Variants in ECHS1 observed in about 807,000 individuals in gnomAD.
ECHS1 encodes the protein enoyl-CoA hydratase, short chain 1.
ECHS1 carries 19 observed loss-of-function variants against 33.5 expected under a neutral mutation model. The observed-to-expected ratio is 0.57, with a 90% CI of 0.40 to 0.83. ECHS1 has a LOEUF of 0.83. Among genes scored for constraint, ECHS1 ranks in the 40% least tolerant of loss-of-function variants. ECHS1 has a pLI of 0.00. For missense variants in ECHS1, 365 were observed against 381.3 expected (o/e 0.96, Z 0.36); for synonymous variants, 158 against 146.6 (o/e 1.08, Z -0.56).
chr10:133,364,918 C>T (rs751021340), intron 6 of ECHS1, among the ~76,000 whole-genome samples, 193 bp from the exon 7 acceptor site: 4 of 152,316 alleles, frequency 2.6e-5, no homozygotes, highest in Non-Finnish European at 5.9e-5. Context: ...ACCAACAGCT[C>T]TGCTATGGCC....
At chr10:133,364,811 C>T in intron 6 of ECHS1, 86 bp from the exon 7 acceptor site, 1 of 1,075,964 alleles carries the variant, frequency 9.3e-7, no homozygotes, top group Non-Finnish European at 1.4e-6. Flanking sequence ...TCCTCACTGA[C>T]CCATGCACAA....
In ECHS1 at chr10:133,364,744, G is replaced by C. The variant is rs1242355414; in HGVS notation, c.740-19C>G. On this transcript the variant is annotated intron_variant, in intron 6 of 7. Transcript: ENST00000368547. ...TCAAAAGCTGAAAAACAAAGTCCCA[G>C]AGTTATGAACGGAGATATTACATGC... 3 of 1,605,804 alleles carry C rather than the reference G, an allele frequency of 1.9e-6. No individual in the cohort carries two copies. In the South Asian group the frequency reaches 3.3e-5, roughly 18 times the overall value.
At chr10:133,371,943 C>T (rs906951787) in intron 1 of ECHS1, among the ~76,000 whole-genome samples, 4 of 152,108 alleles carry the variant, frequency 2.6e-5, no homozygotes, top group African/African-American at 9.7e-5. Flanking sequence ...ACTACGGTCA[C>T]ACACCACCAC....
intron 2 of ECHS1, 77 bp from the exon 3 acceptor site, chr10:133,370,108 G>C: frequency 6.4e-7 from 1 of 1,574,642 alleles, no homozygotes; most frequent in African/African-American, 1.3e-5. Context: ...AGACCAACAA[G>C]GAACTTCAGA....
At chr10:133,372,557 T>G (rs1370232251) in intron 1 of ECHS1, among the ~76,000 whole-genome samples, 1 of 152,048 alleles carries the variant, frequency 6.6e-6, no homozygotes, top group African/African-American at 2.4e-5. Context: ...ACACCCCGGA[T>G]TTTTACAACC....
At chr10:133,368,425 G>A (rs539212500) in intron 4 of ECHS1, among the ~76,000 whole-genome samples, 3 of 152,250 alleles carry the variant, frequency 2.0e-5, no homozygotes, top group East Asian at 3.9e-4. Flanking sequence ...CTGGCTGCTC[G>A]GCCTGGGCCC....
chr10:133,371,070 G>A (rs1255264306), intron 1 of ECHS1, among the ~76,000 whole-genome samples: 1 of 152,240 alleles, frequency 6.6e-6, no homozygotes, highest in African/African-American at 2.4e-5. Flanking sequence ...AAGGTCAGGA[G>A]ATCGAGACCA....
intron 5 of ECHS1, among the ~76,000 whole-genome samples, chr10:133,366,640 T>G (rs1182297258): frequency 6.6e-6 from 1 of 151,058 alleles, no homozygotes; most frequent in Non-Finnish European, 1.5e-5. Flanking sequence ...GATGCCGCCC[T>G]GGGTTTCTGT....
At chr10:133,367,413 G>A (rs1003399787) in intron 4 of ECHS1, among the ~76,000 whole-genome samples, 5 of 151,414 alleles carry the variant, frequency 3.3e-5, no homozygotes, top group African/African-American at 9.8e-5. Flanking sequence ...AATAACTGGC[G>A]GGTATAGGGT....
chr10:133,373,312 G>C lies in ECHS1; in HGVS notation c.22C>G (p.Leu8Val). MAALRVL[L>V]SCVRGPLRPP... ...CTCAGCGGGCCGCGGACGCAGGACA[G>C]CAGGACACGCAGGGCGGCCATGGCT... The change falls in exon 1 of 8, where the codon CTG becomes GTG. Residue 8 changes from leucine (L) to valine (V), a missense_variant. Coordinates refer to ENST00000368547, the MANE Select transcript of ECHS1 (RefSeq NM_004092.4). 1 of 1,502,848 alleles carries C rather than the reference G, an allele frequency of 6.7e-7. No homozygotes were observed. Among genetic ancestry groups the C allele is most frequent in the Non-Finnish European group, 8.8e-7 (1 of 1,131,642 alleles). 93.1% of individuals were successfully genotyped at this position (1,502,848 alleles called of 1,614,324 possible).
chr10:133,370,820 GA>G, intron 1 of ECHS1, 63 bp from the exon 2 acceptor site: 1 of 1,520,332 alleles, frequency 6.6e-7, no homozygotes, highest in Non-Finnish European at 8.9e-7. Flanking sequence ...GAGAGTGGGG[GA>G]AGGGATGTGG....
chr10:133,368,424 C>T (rs190058113), intron 4 of ECHS1, among the ~76,000 whole-genome samples: 3 of 152,252 alleles, frequency 2.0e-5, no homozygotes, highest in East Asian at 3.9e-4. Context: ...CCTGGCTGCT[C>T]GGCCTGGGCC....
At chr10:133,366,167 G>T in intron 5 of ECHS1, 72 bp from the exon 6 acceptor site, 1 of 1,553,226 alleles carries the variant, frequency 6.4e-7, no homozygotes, top group South Asian at 1.2e-5. Context: ...GTGAGTGGCC[G>T]CTGGGGAGCA....
Position 133,362,812 on chromosome 10 carries a change from T to A in ECHS1, c.*56A>T. 1.3e-6 allele frequency: 2 copies of A among 1,569,960 alleles called. No individual in the cohort carries two copies. Among genetic ancestry groups the A allele is most frequent in the South Asian group, 2.2e-5 (2 of 90,184 alleles). On this transcript the variant is annotated 3_prime_UTR_variant, in exon 8 of 8. Coordinates refer to ENST00000368547, the MANE Select transcript of ECHS1 (RefSeq NM_004092.4). ...AGGATGATTTACTTGCTTCTAAAACTGACAGGCTGCACTTGTCCTCTCCAA... is the reference window on the plus strand; with the variant it reads ...AGGATGATTTACTTGCTTCTAAAACAGACAGGCTGCACTTGTCCTCTCCAA...
At chr10:133,368,898 T>C in intron 4 of ECHS1, 25 bp downstream of exon 4, 1 of 1,604,514 alleles carries the variant, frequency 6.2e-7, no homozygotes, top group South Asian at 1.1e-5. Context: ...AAGGCATCTA[T>C]GCCAGAGACA....
intron 4 of ECHS1, 23 bp from the exon 5 acceptor site, chr10:133,367,016 G>A (rs768726914): frequency 1.3e-6 from 2 of 1,587,556 alleles, no homozygotes; most frequent in East Asian, 2.3e-5. Flanking sequence ...GCTGGTCATG[G>A]CTGGCACTGT....
At chr10:133,365,306 C>T (rs1849014150) in intron 6 of ECHS1, among the ~76,000 whole-genome samples, 1 of 152,222 alleles carries the variant, frequency 6.6e-6, no homozygotes, top group Admixed American at 6.5e-5. Context: ...ATGCTCTCCT[C>T]ACTGTATCCT....
At chr10:133,366,787 G>A in intron 5 of ECHS1, 102 bp downstream of exon 5, 1 of 857,262 alleles carries the variant, frequency 1.2e-6, no homozygotes, top group Non-Finnish European at 1.9e-6. Context: ...CCGGGTTTCT[G>A]TGGGGCTCCC....
intron 1 of ECHS1, among the ~76,000 whole-genome samples, chr10:133,371,107 C>T (rs1297857769): frequency 2.6e-5 from 4 of 152,186 alleles, no homozygotes; most frequent in Non-Finnish European, 5.9e-5. Flanking sequence ...GAAACGCCGT[C>T]TCTACCTAAA....
Sources: allele counts gnomAD v4.1 joint callset (sites outside exome capture counted in the v4.1 genomes callset), GRCh38; gene constraint gnomAD v4.1.1; transcripts MANE v1.5; gene names NCBI Gene and HGNC (gene_info 2026-07-23, HGNC 2026-07-21).